CDH18: variants seen among roughly 807,000 people sequenced by gnomAD.
CDH18 encodes the protein cadherin 18.
CDH18 carries 31 observed loss-of-function variants against 67.9 expected under a neutral mutation model. That is an observed-to-expected ratio of 0.46 (90% CI 0.34 to 0.62). The LOEUF is 0.62. CDH18 is among the 20% of genes least tolerant of loss of function. The probability of loss-of-function intolerance (pLI) is 0.01; values close to 1 mark genes in which losing one functional copy is unlikely to be tolerated. For synonymous variants in CDH18, 362 were observed against 347.2 expected (o/e 1.04, Z -0.48); for missense variants, 890 against 975.5 (o/e 0.91, Z 1.17).
chr5:19,662,997 G>A (rs1286690522), intron 5 of CDH18, among the ~76,000 whole-genome samples: 1 of 151,926 alleles, frequency 6.6e-6, no homozygotes, highest in African/African-American at 2.4e-5. Context: ...TTCCTGTTTT[G>A]TTGTAAGAGA....
chr5:19,771,812 G>T (rs1454745712), intron 3 of CDH18, among the ~76,000 whole-genome samples: 1 of 152,150 alleles, frequency 6.6e-6, no homozygotes, highest in Non-Finnish European at 1.5e-5. Context: ...TGTAGTTAGA[G>T]AAATCAAATA....
intron 12 of CDH18, among the ~76,000 whole-genome samples, chr5:19,479,809 G>GTTT: frequency 6.6e-6 from 1 of 152,030 alleles, no homozygotes; most frequent in South Asian, 2.1e-4. Context: ...TGCTTTTACA[G>GTTT]CATATTTGAG....
intron 5 of CDH18, among the ~76,000 whole-genome samples, chr5:19,709,670 AAAAAGAAAAGAAAG>A (rs1193798371): frequency 2.0e-5 from 3 of 151,800 alleles, no homozygotes; most frequent in Admixed American, 6.6e-5. Flanking sequence ...AGAAAGAAAG[AAAAAGAAAAGAAAG>A]AAAAGAAAAG....
At chr5:19,967,442 T>C (rs1038884656) in intron 2 of CDH18, among the ~76,000 whole-genome samples, 2 of 152,092 alleles carry the variant, frequency 1.3e-5, no homozygotes, top group African/African-American at 4.8e-5. Flanking sequence ...TGTTCTAGAA[T>C]CATAAAATTT....
Position 19,813,347 on chromosome 5 carries a change from A to T in CDH18, c.228+25412T>A, listed in dbSNP as rs1160182414. Among the ~76,000 whole-genome samples, 7 of 152,180 alleles carry T rather than the reference A, an allele frequency of 4.6e-5. No homozygotes were observed. The South Asian group carries it at 1.5e-3, about 32-fold the overall frequency. ...ACCATTGTTTAAAAAAAGAATTGTC[A>T]GATTCTATAAAAAAACAGAAAGTTA... is the stretch of plus-strand genomic sequence containing the variant. On this transcript the variant is annotated intron_variant, in intron 3 of 12. Coordinates refer to ENST00000382275, the MANE Select transcript of CDH18 (RefSeq NM_004934.5).
intron 2 of CDH18, among the ~76,000 whole-genome samples, chr5:20,220,693 C>G (rs1022859800): frequency 1.3e-5 from 2 of 151,814 alleles, no homozygotes; most frequent in African/African-American, 4.8e-5. Flanking sequence ...ATACAACCCA[C>G]AGAATGGGGG....
intron 5 of CDH18, among the ~76,000 whole-genome samples, chr5:19,701,917 T>C (rs1054553001): frequency 6.6e-6 from 1 of 152,114 alleles, no homozygotes; most frequent in Non-Finnish European, 1.5e-5. Context: ...ACGGAATGCA[T>C]GCATGTTGAA....
At chr5:19,864,707 T>C (rs1785294344) in intron 2 of CDH18, among the ~76,000 whole-genome samples, 1 of 152,108 alleles carries the variant, frequency 6.6e-6, no homozygotes, top group Admixed American at 6.6e-5. Flanking sequence ...TCACATCCTC[T>C]TGGCCTAATT....
chr5:20,005,423 C>T (rs1295950914), intron 2 of CDH18, among the ~76,000 whole-genome samples: 1 of 144,716 alleles, frequency 6.9e-6, no homozygotes, highest in African/African-American at 2.5e-5. Flanking sequence ...TGTACACACA[C>T]ACACACACAC....
At chr5:20,002,991 G>A (rs1441256781) in intron 2 of CDH18, among the ~76,000 whole-genome samples, 1 of 151,960 alleles carries the variant, frequency 6.6e-6, no homozygotes, top group Non-Finnish European at 1.5e-5. Flanking sequence ...CACCTATTGG[G>A]TGTGTTTCCT....
intron 2 of CDH18, among the ~76,000 whole-genome samples, chr5:20,247,007 C>T (rs890887114): frequency 8.5e-5 from 13 of 152,160 alleles, no homozygotes; most frequent in Non-Finnish European, 1.6e-4. Flanking sequence ...CTCAGCTCAC[C>T]CCTGATATCC....
intron 2 of CDH18, among the ~76,000 whole-genome samples, chr5:19,905,923 A>C (rs1790485487): frequency 6.6e-6 from 1 of 152,106 alleles, no homozygotes. Flanking sequence ...TCTAGATGCG[A>C]GTTAGCCATC....
chr5:19,776,584 G>A (rs1338849226), intron 3 of CDH18, among the ~76,000 whole-genome samples: 1 of 152,136 alleles, frequency 6.6e-6, no homozygotes, highest in Admixed American at 6.5e-5. Flanking sequence ...AGGAAAAAAG[G>A]CGTAATGACA....
intron 9 of CDH18, among the ~76,000 whole-genome samples, chr5:19,528,637 T>C (rs1390736120): frequency 6.6e-6 from 1 of 151,928 alleles, no homozygotes; most frequent in Non-Finnish European, 1.5e-5. Context: ...ACCACCATTC[T>C]TGTAAAGATA....
chr5:19,824,211 G>A lies in CDH18; in HGVS notation c.228+14548C>T, dbSNP rs187503222. Among the ~76,000 whole-genome samples the A allele has an allele frequency of 1.1e-3, 161 of 152,260 alleles. 2 individuals are homozygous for A. Among genetic ancestry groups the A allele is most frequent in the South Asian group, 3.9e-3 (19 of 4,830 alleles). ...AAGATGGCAGATTAGAAGCTCATGTGTGCTCCTCTCACAGAGGGGGAGCAA... is the reference window on the plus strand; with the variant it reads ...AAGATGGCAGATTAGAAGCTCATGTATGCTCCTCTCACAGAGGGGGAGCAA... On this transcript the variant is annotated intron_variant, in intron 3 of 12. Transcript: ENST00000382275.
chr5:19,923,217 C>G (rs1427500571), intron 2 of CDH18, among the ~76,000 whole-genome samples: 1 of 152,216 alleles, frequency 6.6e-6, no homozygotes, highest in Non-Finnish European at 1.5e-5. Flanking sequence ...AGCCCCAAGC[C>G]TAGATATGTG....
At chr5:20,464,543 T>C (rs966501555) in intron 1 of CDH18, among the ~76,000 whole-genome samples, 1 of 152,106 alleles carries the variant, frequency 6.6e-6, no homozygotes. Context: ...GAATAGAATA[T>C]TGAAACAAAT....
intron 2 of CDH18, among the ~76,000 whole-genome samples, chr5:19,910,544 C>A (rs992343705): frequency 6.6e-6 from 1 of 152,132 alleles, no homozygotes; most frequent in Non-Finnish European, 1.5e-5. Context: ...TCTAGGCAAT[C>A]AATCAATCTT....
At chr5:20,376,215 T>C (rs1743423512) in intron 1 of CDH18, among the ~76,000 whole-genome samples, 1 of 149,792 alleles carries the variant, frequency 6.7e-6, no homozygotes, top group Non-Finnish European at 1.5e-5. Context: ...TGCCTCAGCC[T>C]CCCGAGTAGC....
Sources: allele counts gnomAD v4.1 joint callset (sites outside exome capture counted in the v4.1 genomes callset), GRCh38; gene constraint gnomAD v4.1.1; transcripts MANE v1.5; gene names NCBI Gene and HGNC (gene_info 2026-07-23, HGNC 2026-07-21).